Variants in NOS1 observed in about 807,000 individuals in gnomAD.
NOS1 encodes the protein NOS type I.
A neutral mutation model predicts 164.5 loss-of-function variants in NOS1; 51 were observed. The observed-to-expected ratio is 0.31, with a 90% CI of 0.25 to 0.39. The LOEUF (loss-of-function observed/expected upper bound fraction) is 0.39. Ranked by LOEUF, NOS1 falls within the 10% of genes least tolerant of loss-of-function variation. The pLI, the probability that NOS1 is intolerant of heterozygous loss-of-function variation, is 1.00. For missense variants in NOS1, 1,362 were observed against 1,885.6 expected (o/e 0.72, Z 5.14); for synonymous variants, 719 against 745.8 (o/e 0.96, Z 0.59).
At chr12:117,296,464 T>A (rs1027727533) in intron 3 of NOS1, among the ~76,000 whole-genome samples, 4 of 152,070 alleles carry the variant, frequency 2.6e-5, no homozygotes, top group African/African-American at 9.7e-5. Context: ...CAGAAGAACA[T>A]AAAAAGACCA....
In NOS1 at chr12:117,243,175, G is replaced by A; in HGVS notation, c.2962+122C>T. 1.7e-6 allele frequency: 2 copies of A among 1,168,696 alleles called. No homozygotes were observed. Among genetic ancestry groups the A allele is most frequent in the East Asian group, 2.4e-5 (1 of 41,782 alleles). 72.4% of individuals were successfully genotyped at this position (1,168,696 alleles called of 1,614,324 possible). A position where few individuals can be genotyped will look rare whatever the true frequency, so the allele number is the denominator to read the frequency against. ...AGCAGCAAAGTATTCATTTTGGTAGGACTGCACTAAAGGGAGATCAAAGCA... is the reference window on the plus strand; with the variant it reads ...AGCAGCAAAGTATTCATTTTGGTAGAACTGCACTAAAGGGAGATCAAAGCA... On this transcript the variant is annotated intron_variant, in intron 19 of 28. Coordinates refer to ENST00000317775, the MANE Select transcript of NOS1 (RefSeq NM_000620.5). This position sits in a 1 kb window ranked among gnomAD's most constrained non-coding sequence, Gnocchi z 4.3.
At chr12:117,285,160 G>A (rs1874014181) in intron 7 of NOS1, 81 bp downstream of exon 7, 3 of 795,202 alleles carry the variant, frequency 3.8e-6, no homozygotes, top group Non-Finnish European at 2.0e-6. Context: ...TCCCTGGCAG[G>A]TGAGCTGACT....
At chr12:117,336,945 C>T (rs140179783) in intron 1 of NOS1, among the ~76,000 whole-genome samples, 228 of 151,442 alleles carry the variant, frequency 1.5e-3, no homozygotes, top group African/African-American at 4.9e-3. Context: ...TCCAGACACA[C>T]GCCACCATGC....
At chr12:117,361,077 G>A (rs891477696) in intron 1 of NOS1, among the ~76,000 whole-genome samples, 3 of 152,128 alleles carry the variant, frequency 2.0e-5, no homozygotes, top group African/African-American at 4.8e-5. Flanking sequence ...CGGGAGCGGG[G>A]AGCCCTGGGG....
chr12:117,330,412 T>C lies in NOS1; in HGVS notation c.658A>G (p.Ser220Gly). The C allele has an allele frequency of 6.2e-7, 1 of 1,614,076 alleles. No individual in the cohort carries two copies. The highest frequency in any genetic ancestry group is 1.1e-5 in the South Asian group (1 of 91,072). ...GGTGCCCCTCCCTTGACCCCTCTGC[T>C]CCCACTGGTGAGAAGGCTCAGCACA... ...EPVLSLLTSG[S>G]RGVKGGAPAK... The change falls in exon 2 of 29, where the codon AGC becomes GGC. Residue 220 changes from serine (S) to glycine (G), a missense_variant. Ser to Gly is a moderately conservative substitution (Grantham distance 56, BLOSUM62 0). This residue lies in a region of NOS1 where 362 missense variants were observed against 402.0 expected (regional missense o/e 0.90). Transcript: ENST00000317775. The surrounding 1 kb of genome is among the most constrained non-coding windows in gnomAD (Gnocchi z 4.6).
In NOS1 at chr12:117,330,709, G is replaced by C; in HGVS notation, c.361C>G (p.Arg121Gly). Reference protein sequence around the residue: ...FTGDGTPKTIRVTQPLGPPTK... With the variant: ...FTGDGTPKTIGVTQPLGPPTK... The stretch of plus-strand genomic sequence containing the variant: ...GGGGGACCCAGGGGCTGTGTCACCC[G>C]GATGGTCTTGGGGGTCCCATCACCT... Residue 121 changes from arginine to glycine, a missense_variant, in exon 2 of 29, where the codon CGG (arginine) becomes GGG (glycine). This residue lies in a region of NOS1 where 362 missense variants were observed against 402.0 expected (regional missense o/e 0.90). Transcript: ENST00000317775. The surrounding 1 kb of genome is among the most constrained non-coding windows in gnomAD (Gnocchi z 4.6). The C allele has an allele frequency of 6.2e-7, 1 of 1,613,768 alleles. No individual in the cohort carries two copies. The highest frequency in any genetic ancestry group is 2.2e-5 in the East Asian group (1 of 44,888).
chr12:117,300,435 C>T (rs181863176), intron 3 of NOS1, among the ~76,000 whole-genome samples: 185 of 152,318 alleles, frequency 1.2e-3, no homozygotes, highest in Non-Finnish European at 2.3e-3. Flanking sequence ...AATTCACGCA[C>T]CACTTCCTGG....
rs751899293 is a variant in NOS1, at chr12:117,263,954, A to G, written c.2157T>C (p.His719=). The change falls in exon 13 of 29, where the codon CAT becomes CAC. Residue 719 remains histidine (H), a synonymous_variant. Coordinates refer to ENST00000317775, the MANE Select transcript of NOS1 (RefSeq NM_000620.5). ...GGGTCCCGTTGGTGCCTTTCCAGAC[A>G]TGCGTGTTCCAGGGATCAGGCTGGG... ...FEYQPDPWNT[H]VWKGTNGTPT... 13 of 1,613,692 alleles carry G rather than the reference A, an allele frequency of 8.1e-6. No individual in the cohort carries two copies. The highest frequency in any genetic ancestry group is 7.7e-5 in the South Asian group (7 of 91,050).
intron 1 of NOS1, among the ~76,000 whole-genome samples, chr12:117,341,908 T>C (rs576144824): frequency 1.3e-5 from 2 of 152,352 alleles, no homozygotes; most frequent in East Asian, 3.9e-4. Flanking sequence ...CTGTTGACTA[T>C]TATTTTTAGA....
intron 3 of NOS1, among the ~76,000 whole-genome samples, chr12:117,294,827 G>C (rs1398956368): frequency 6.6e-6 from 1 of 152,112 alleles, no homozygotes; most frequent in East Asian, 1.9e-4. Flanking sequence ...CGCTCTTTGT[G>C]GACCCCTGGG....
chr12:117,284,262 C>T (rs1231263789), intron 7 of NOS1, among the ~76,000 whole-genome samples: 3 of 152,158 alleles, frequency 2.0e-5, no homozygotes, highest in Non-Finnish European at 4.4e-5. Flanking sequence ...GAACAGATGC[C>T]GTGGCAGCAG....
intron 9 of NOS1, among the ~76,000 whole-genome samples, chr12:117,274,748 C>G: frequency 8.7e-6 from 1 of 114,374 alleles, no homozygotes; most frequent in African/African-American, 3.5e-5. Flanking sequence ...CCAGCCTGGG[C>G]TGGAGTGACA....
At chr12:117,219,298 G>GTTTTTT (rs201472999) in intron 27 of NOS1, among the ~76,000 whole-genome samples, 2 of 148,476 alleles carry the variant, frequency 1.3e-5, no homozygotes, top group Non-Finnish European at 3.0e-5. Flanking sequence ...GTTTTGTTTT[G>GTTTTTT]TTTTGTTTTT....
At chr12:117,333,771 G>A (rs370944786) in intron 1 of NOS1, among the ~76,000 whole-genome samples, 8 of 152,166 alleles carry the variant, frequency 5.3e-5, no homozygotes, top group African/African-American at 1.9e-4. Flanking sequence ...AGTGTCTTTC[G>A]GCATCTTGCT....
At chr12:117,247,860 G>C (rs776345936) in intron 17 of NOS1, among the ~76,000 whole-genome samples, 3 of 151,588 alleles carry the variant, frequency 2.0e-5, no homozygotes, top group Non-Finnish European at 1.5e-5. Context: ...GCAGGAGAAT[G>C]GTGTGAACCC....
At chr12:117,298,270 A>C (rs1873561585) in intron 3 of NOS1, among the ~76,000 whole-genome samples, 1 of 151,978 alleles carries the variant, frequency 6.6e-6, no homozygotes, top group Non-Finnish European at 1.5e-5. Flanking sequence ...AGTTCACAGT[A>C]GGGTACGAGC....
At chr12:117,266,576 C>T (rs71469794) in intron 11 of NOS1, among the ~76,000 whole-genome samples, 16,642 of 148,684 alleles carry the variant, frequency 0.11, 1,001 homozygotes, top group East Asian at 0.14. Flanking sequence ...CTCACTCTGT[C>T]GCCCAGACTG....
Position 117,211,460 on chromosome 12 carries a change from C to T in NOS1, c.*3849G>A. 1 of 984,936 alleles carries T rather than the reference C, an allele frequency of 1.0e-6. No individual in the cohort carries two copies. The highest frequency in any genetic ancestry group is 1.2e-6 in the Non-Finnish European group (1 of 829,536). 61.0% of individuals were successfully genotyped at this position (984,936 alleles called of 1,614,324 possible). A position where few individuals can be genotyped will look rare whatever the true frequency, so the allele number is the denominator to read the frequency against. ...AGAACTTTCTTTTCCAAGTATAACTCCAATCGCCTTAATGTCCCTTTTTGA... is the reference window on the plus strand; with the variant it reads ...AGAACTTTCTTTTCCAAGTATAACTTCAATCGCCTTAATGTCCCTTTTTGA... On this transcript the variant is annotated 3_prime_UTR_variant, in exon 29 of 29. Transcript: ENST00000317775.
Position 117,258,426 on chromosome 12 carries a change from C to A in NOS1, c.2502G>T (p.Arg834Ser). ...EKFGCALMEM[R>S]HPNSVQEERK... is the part of the protein sequence containing the mutation. Reference sequence around the variant, plus strand: ...TTTCTTCCTGCACAGAGTTGGGGTGCCTCATTTCCATCAAAGCACAGCCGA... The same window carrying A: ...TTTCTTCCTGCACAGAGTTGGGGTGACTCATTTCCATCAAAGCACAGCCGA... The change falls in exon 16 of 29, where the codon AGG becomes AGT. Residue 834 changes from arginine (R) to serine (S), a missense_variant. Arg to Ser is a moderately radical substitution (Grantham distance 110). This residue lies in a region of NOS1 where 737 missense variants were observed against 1,030.3 expected (regional missense o/e 0.72). Coordinates refer to ENST00000317775, the MANE Select transcript of NOS1 (RefSeq NM_000620.5). 1 of 1,614,138 alleles carries A rather than the reference C, an allele frequency of 6.2e-7. No individual in the cohort carries two copies. The highest frequency in any genetic ancestry group is 8.5e-7 in the Non-Finnish European group (1 of 1,180,010).
Sources: gnomAD v4.1 joint callset for allele counts (sites outside exome capture counted in the v4.1 genomes callset) on GRCh38, gnomAD v4.1.1 for gene constraint, gnomAD v4.1.1 regional missense constraint, Gnocchi (gnomAD v3.1) non-coding constraint, MANE v1.5 for transcripts, NCBI Gene and HGNC (gene_info 2026-07-23, HGNC 2026-07-21) for gene names.